The following STARD13 variants were observed in gnomAD, a reference collection of about 807,000 sequenced individuals.
STARD13 encodes the protein StAR related lipid transfer domain containing 13, also known as stAR-related lipid transfer protein 13.
STARD13 carries 62 observed loss-of-function variants against 106.4 expected under a neutral mutation model. That is an observed-to-expected ratio of 0.58 (90% CI 0.48 to 0.72). The LOEUF (loss-of-function observed/expected upper bound fraction) is 0.72. STARD13 is among the 30% of genes least tolerant of loss of function. The pLI, the probability that STARD13 is intolerant of heterozygous loss-of-function variation, is 0.00. For synonymous variants in STARD13, 565 were observed against 553.0 expected, an observed-to-expected ratio of 1.02 and a Z score of -0.31; for missense variants, 1,387 against 1,424.0, an observed-to-expected ratio of 0.97 and a Z score of 0.42.
the STARD13 span, among the ~76,000 whole-genome samples, chr13:33,619,874 C>T: frequency 0.037 from 5,679 of 152,124 alleles, 322 homozygotes; most frequent in African/African-American, 0.13. Flanking sequence ...ACAAGCCTGG[C>T]CGACATGGTG....
the STARD13 span, among the ~76,000 whole-genome samples, chr13:33,522,169 A>C: frequency 6.6e-6 from 1 of 152,094 alleles, no homozygotes; most frequent in South Asian, 2.1e-4. Flanking sequence ...GATGTGCTAT[A>C]TTTTTCTTTT....
At chr13:33,450,982 G>A in the STARD13 span, among the ~76,000 whole-genome samples, 19 of 152,030 alleles carry the variant, frequency 1.2e-4, no homozygotes, top group Non-Finnish European at 1.9e-4. Context: ...TCCTGTGCTC[G>A]AGGAATCCTT....
At chr13:33,186,454 A>G (rs1472775440) in intron 1 of STARD13, among the ~76,000 whole-genome samples, 1 of 152,190 alleles carries the variant, frequency 6.6e-6, no homozygotes, top group Non-Finnish European at 1.5e-5. Context: ...ATATTTTCTT[A>G]CATGCCCTTT....
the STARD13 span, among the ~76,000 whole-genome samples, chr13:33,663,912 G>A: frequency 6.6e-6 from 1 of 152,142 alleles, no homozygotes; most frequent in African/African-American, 2.4e-5. Flanking sequence ...CTGTGGCACC[G>A]TTCCTCCGAC....
intron 1 of STARD13, among the ~76,000 whole-genome samples, chr13:33,313,719 T>A (rs2321166): frequency 0.94 from 142,788 of 152,198 alleles, 67,646 homozygotes; most frequent in East Asian, 1. Context: ...ATGACCAAGA[T>A]CATAATGATA....
At chr13:33,570,859 T>C in the STARD13 span, among the ~76,000 whole-genome samples, 47 of 152,150 alleles carry the variant, frequency 3.1e-4, no homozygotes, top group African/African-American at 1.0e-3. Flanking sequence ...AAACAAATAT[T>C]GTGTTGGATT....
intron 1 of STARD13, among the ~76,000 whole-genome samples, chr13:33,185,635 A>G (rs939954273): frequency 6.6e-6 from 1 of 152,132 alleles, no homozygotes; most frequent in African/African-American, 2.4e-5. Flanking sequence ...TCGACCCTCC[A>G]ACTCCCATCC....
At chr13:33,412,298 T>C in the STARD13 span, among the ~76,000 whole-genome samples, 4 of 152,114 alleles carry the variant, frequency 2.6e-5, no homozygotes, top group Non-Finnish European at 5.9e-5. Context: ...TATGGTGTCA[T>C]GTCTAGAGCA....
rs115479938 is a variant in STARD13 at position 33,272,301 on chromosome 13, T to A, written c.169+13169A>T. ...AAATCCGAAATCCAAAATACTCCAATGGGCATTTCCTTTCAGTGTCACGTC... is the reference window on the plus strand; with the variant it reads ...AAATCCGAAATCCAAAATACTCCAAAGGGCATTTCCTTTCAGTGTCACGTC... On this transcript the variant is annotated intron_variant, in intron 1 of 13. Coordinates refer to ENST00000336934, the MANE Select transcript of STARD13 (RefSeq NM_178006.4). Among the ~76,000 whole-genome samples the A allele has an allele frequency of 5.3e-3, 807 of 152,344 alleles. 10 individuals are homozygous for A. Among genetic ancestry groups the A allele is most frequent in the African/African-American group, 0.016 (680 of 41,580 alleles).
chr13:33,291,448 C>G (rs1383599709), intron 1 of STARD13, among the ~76,000 whole-genome samples: 1 of 152,180 alleles, frequency 6.6e-6, no homozygotes, highest in African/African-American at 2.4e-5. Context: ...GCTTAGAGCT[C>G]TAGACTTGGC....
At chr13:33,495,870 TATA>T in the STARD13 span, among the ~76,000 whole-genome samples, 3 of 145,426 alleles carry the variant, frequency 2.1e-5, no homozygotes, top group Non-Finnish European at 4.5e-5. Flanking sequence ...TATATAATTA[TATA>T]ATGATTACAT....
the STARD13 span, among the ~76,000 whole-genome samples, chr13:33,414,139 C>G: frequency 6.6e-6 from 1 of 151,762 alleles, no homozygotes; most frequent in East Asian, 1.9e-4. Flanking sequence ...TTATAGCACA[C>G]CTATTAAAAT....
intron 1 of STARD13, among the ~76,000 whole-genome samples, chr13:33,342,752 A>G (rs146765480): frequency 2.6e-5 from 4 of 152,340 alleles, no homozygotes; most frequent in African/African-American, 9.6e-5. Context: ...CTCTATCACA[A>G]AAGATTATGT....
At chr13:33,358,117 C>T in the STARD13 span, among the ~76,000 whole-genome samples, 1,289 of 152,374 alleles carry the variant, frequency 8.5e-3, 13 homozygotes, top group African/African-American at 0.027. Flanking sequence ...AGGGACTTAG[C>T]ACCCGGGCCA....
the STARD13 span, among the ~76,000 whole-genome samples, chr13:33,621,560 G>A: frequency 8.0e-5 from 12 of 150,510 alleles, no homozygotes; most frequent in Non-Finnish European, 1.3e-4. Context: ...GGTGCCTGTA[G>A]TCCCAGCTAC....
chr13:33,356,418 T>C, the STARD13 span, among the ~76,000 whole-genome samples: 1 of 152,186 alleles, frequency 6.6e-6, no homozygotes, highest in Non-Finnish European at 1.5e-5. Context: ...ACACATCATC[T>C]GAAGAGCAGT....
At position 33,126,093 on chromosome 13, in the gene STARD13, G is replaced by T; in HGVS notation, c.2070C>A (p.Asn690Lys). 6.2e-7 allele frequency: 1 copy of T among 1,613,976 alleles called. No individual in the cohort carries two copies. The change falls in exon 7 of 14, where the codon AAC becomes AAA. Residue 690 changes from asparagine (N) to lysine (K), a missense_variant. By Grantham distance (94) the Asn-to-Lys change is moderately conservative. Transcript: ENST00000336934. Reference sequence around the variant, plus strand: ...GTTACAGCCCTACCTGATCGAGGCAGTTGCTGCGTAGATATCTCAGTGCTT... The same window carrying T: ...GTTACAGCCCTACCTGATCGAGGCATTTGCTGCGTAGATATCTCAGTGCTT... ...IQQALRYLRS[N>K]CLDQVGLFRK... is the part of the protein sequence containing the mutation.
intron 1 of STARD13, among the ~76,000 whole-genome samples, chr13:33,223,654 C>T (rs1888471371): frequency 6.9e-6 from 1 of 145,962 alleles, no homozygotes; most frequent in Non-Finnish European, 1.5e-5. Context: ...AGCAAAACTC[C>T]ATCTCAATAT....
the STARD13 span, among the ~76,000 whole-genome samples, chr13:33,380,865 A>G: frequency 6.6e-6 from 1 of 152,126 alleles, no homozygotes; most frequent in African/African-American, 2.4e-5. Flanking sequence ...GGAGAAGGTC[A>G]GTGTGTCTGG....
Sources: gnomAD v4.1 joint callset for allele counts (sites outside exome capture counted in the v4.1 genomes callset) on GRCh38, gnomAD v4.1.1 for gene constraint, MANE v1.5 for transcripts, NCBI Gene and HGNC (gene_info 2026-07-23, HGNC 2026-07-21) for gene names.